ZNF227: variants seen among roughly 807,000 people sequenced by gnomAD.
ZNF227 encodes the protein zinc finger protein 227.
Under a neutral mutation model 13.2 loss-of-function variants are expected in ZNF227, and 12 were observed. That is an observed-to-expected ratio of 0.91 (90% CI 0.58 to 1.47). The LOEUF (loss-of-function observed/expected upper bound fraction) is 1.47, where lower values mean the gene tolerates loss of function less well. ZNF227 is among the 40% of genes most tolerant of loss of function. ZNF227 has a pLI of 0.00. For synonymous variants in ZNF227, 338 were observed against 326.0 expected, an observed-to-expected ratio of 1.04 and a Z score of -0.40; for missense variants, 885 against 967.5, an observed-to-expected ratio of 0.91 and a Z score of 1.13.
chr19:44,228,843 G>T (rs922812142), intron 4 of ZNF227: 1 of 433,604 alleles, frequency 2.3e-6, no homozygotes, highest in Non-Finnish European at 4.0e-6. Context: ...TGACAGAGGG[G>T]TGCTATTGGC....
rs532996540 is a variant in ZNF227 at position 44,234,310 on chromosome 19, A to G, written c.272-392A>G. Among the ~76,000 whole-genome samples the G allele has an allele frequency of 3.3e-5, 5 of 152,334 alleles. No individual in the cohort carries two copies. In the South Asian group the frequency reaches 1.0e-3, roughly 32 times the overall value. On this transcript the variant is annotated intron_variant, in intron 5 of 5. Coordinates refer to ENST00000313040, the MANE Select transcript of ZNF227 (RefSeq NM_182490.3). ...TACAGTCTGAACTTTTCTTAACCTA[A>G]CTAGTTATTAGAATCCCGCTTGTCA... is the stretch of plus-strand genomic sequence containing the variant.
At chr19:44,221,349 A>C (rs1449486879) in intron 3 of ZNF227, among the ~76,000 whole-genome samples, 1 of 152,144 alleles carries the variant, frequency 6.6e-6, no homozygotes, top group African/African-American at 2.4e-5. Flanking sequence ...TGACTTCCAC[A>C]ATGGTTGAAC....
intron 5 of ZNF227, 103 bp downstream of exon 5, chr19:44,229,919 A>G (rs553506306): frequency 1.5e-6 from 1 of 685,134 alleles, no homozygotes; most frequent in East Asian, 3.3e-5. Flanking sequence ...AAAATCTTTC[A>G]CCTGGATTAT....
intron 2 of ZNF227, among the ~76,000 whole-genome samples, chr19:44,214,367 CT>C (rs923933494): frequency 6.6e-5 from 10 of 151,102 alleles, no homozygotes; most frequent in African/African-American, 1.2e-4. Flanking sequence ...TGAAAATTTT[CT>C]TTTTTCTTTT....
upstream of ZNF227, among the ~76,000 whole-genome samples, chr19:44,212,350 C>G (rs1477271346): frequency 6.7e-6 from 1 of 149,600 alleles, no homozygotes. Context: ...GTAACCCTCT[C>G]TCACTCGCTC....
intron 3 of ZNF227, 80 bp downstream of exon 3, chr19:44,217,932 G>A: frequency 6.5e-7 from 1 of 1,546,838 alleles, no homozygotes; most frequent in Non-Finnish European, 8.9e-7. Context: ...CTCTTTCTTG[G>A]AAAGGTTAGT....
chr19:44,217,500 C>T (rs770228059), intron 2 of ZNF227: 7 of 606,942 alleles, frequency 1.2e-5, no homozygotes, highest in Non-Finnish European at 1.9e-5. Context: ...GGAATTAAAC[C>T]CAGATACTTG....
intron 2 of ZNF227, among the ~76,000 whole-genome samples, chr19:44,215,817 G>A (rs1275147124): frequency 6.6e-6 from 1 of 151,652 alleles, no homozygotes; most frequent in Non-Finnish European, 1.5e-5. Context: ...ATGAAACCCC[G>A]TCTGTACTAA....
intron 5 of ZNF227, among the ~76,000 whole-genome samples, chr19:44,233,039 TG>T (rs995687155): frequency 5.9e-5 from 9 of 152,148 alleles, no homozygotes; most frequent in African/African-American, 2.2e-4. Context: ...GGACATCTCT[TG>T]GGGGTGGGGT....
rs1972366533 is a variant in ZNF227 at position 44,220,394 on chromosome 19, C to T, written c.60+2542C>T. On this transcript the variant is annotated intron_variant, in intron 3 of 5. Coordinates refer to ENST00000313040, the MANE Select transcript of ZNF227 (RefSeq NM_182490.3). ...TGGTTGAACTAGTTTACAGTCCCAC[C>T]AACAGTGTAAAAGTGTTGCTATTTC... Among the ~76,000 whole-genome samples, 3 of 152,114 alleles carry T rather than the reference C, an allele frequency of 2.0e-5. No individual in the cohort carries two copies. In the South Asian group the frequency reaches 6.2e-4, roughly 32 times the overall value.
At chr19:44,209,912 G>C (rs2122620731), upstream of ZNF227, among the ~76,000 whole-genome samples, 1 of 152,304 alleles carries the variant, frequency 6.6e-6, no homozygotes, top group East Asian at 1.9e-4. Context: ...GATCTGATCT[G>C]TTTCTCCCTT....
chr19:44,228,388 C>T, intron 3 of ZNF227, 58 bp from the exon 4 acceptor site: 5 of 1,564,262 alleles, frequency 3.2e-6, no homozygotes, highest in Middle Eastern at 1.9e-4. Flanking sequence ...CTTGATGCCA[C>T]CCTTCTTCTA....
In ZNF227 at chr19:44,229,760, T is replaced by C. The variant is rs1319335516; in HGVS notation, c.215T>C (p.Val72Ala). 1 of 1,590,286 alleles carries C rather than the reference T, an allele frequency of 6.3e-7. No individual in the cohort carries two copies. Among genetic ancestry groups the C allele is most frequent in the South Asian group, 1.1e-5 (1 of 87,764 alleles). ...VGHLPFQPDM[V>A]SQLEAEEKLW... ...CATCTTCCCTTCCAACCAGATATGG[T>C]ATCCCAATTGGAAGCAGAAGAAAAG... Residue 72 changes from valine (V) to alanine (A), a missense_variant, in exon 5 of 6, where the codon GTA becomes GCA. Physicochemically the swap from Val to Ala is moderately conservative, Grantham distance 64 (BLOSUM62 0). Coordinates refer to ENST00000313040, the MANE Select transcript of ZNF227 (RefSeq NM_182490.3).
At chr19:44,215,193 A>T (rs1356408109) in intron 2 of ZNF227, among the ~76,000 whole-genome samples, 2 of 141,012 alleles carry the variant, frequency 1.4e-5, no homozygotes, top group African/African-American at 2.6e-5. Flanking sequence ...TTTGAAACGG[A>T]GTCTCGCCTG....
chr19:44,217,807 C>T lies in ZNF227; in HGVS notation c.15C>T (p.Asn5=), dbSNP rs139871578. Residue 5 remains asparagine, a synonymous_variant, in exon 3 of 6, where the codon AAC becomes AAT. Transcript: ENST00000313040. MPSQ[N]YDLPQKKQEK... ...CTCCCCCAGTTATGCCATCTCAGAA[C>T]TATGACCTTCCCCAGAAGAAGCAGG... 313 of 1,614,112 alleles carry T rather than the reference C, an allele frequency of 1.9e-4. No individual in the cohort carries two copies. The highest frequency in any genetic ancestry group is 2.5e-4 in the Non-Finnish European group (299 of 1,180,044).
At chr19:44,211,898 T>C (rs1305806509), upstream of ZNF227, among the ~76,000 whole-genome samples, 6 of 136,628 alleles carry the variant, frequency 4.4e-5, no homozygotes, top group Admixed American at 7.3e-5. Flanking sequence ...GTTTTTTTTT[T>C]CTTTTTTTTT....
chr19:44,226,692 T>G (rs776785668), intron 3 of ZNF227, among the ~76,000 whole-genome samples: 1 of 152,160 alleles, frequency 6.6e-6, no homozygotes, highest in Non-Finnish European at 1.5e-5. Flanking sequence ...TTTCTTTGAC[T>G]AGGAAAGGGA....
chr19:44,216,941 CA>C (rs1971945566), intron 2 of ZNF227, among the ~76,000 whole-genome samples: 1 of 146,390 alleles, frequency 6.8e-6, no homozygotes, highest in Non-Finnish European at 1.5e-5. Flanking sequence ...GTGTGTGATG[CA>C]AAGTATCATC....
Position 44,236,658 on chromosome 19 carries a change from T to C in ZNF227, c.2228T>C (p.Leu743Pro). ...VHLGVHTREK[L>P]FKCEECGKGF... ...CTGGGTGTTCACACCAGGGAAAAAC[T>C]CTTTAAATGTGAAGAGTGTGGTAAA... Residue 743 changes from leucine (L) to proline (P), a missense_variant, in exon 6 of 6, where the codon CTC becomes CCC. Transcript: ENST00000313040. 1 of 1,609,438 alleles carries C rather than the reference T, an allele frequency of 6.2e-7. No homozygotes were observed. Among genetic ancestry groups the C allele is most frequent in the Non-Finnish European group, 8.5e-7 (1 of 1,178,806 alleles).
Sources: allele counts gnomAD v4.1 joint callset (sites outside exome capture counted in the v4.1 genomes callset), GRCh38; gene constraint gnomAD v4.1.1; transcripts MANE v1.5; gene names NCBI Gene and HGNC (gene_info 2026-07-23, HGNC 2026-07-21).